The following GRIK1 variants were observed in gnomAD, a reference collection of about 807,000 sequenced individuals.
GRIK1 encodes the protein glutamate ionotropic receptor kainate type subunit 1, also known as glutamate receptor ionotropic, kainate 1.
A neutral mutation model predicts 105.7 loss-of-function variants in GRIK1; 69 were observed. The observed-to-expected ratio is 0.65, with a 90% CI of 0.54 to 0.80. The LOEUF (loss-of-function observed/expected upper bound fraction) is 0.80. Among genes scored for constraint, GRIK1 ranks in the 30% least tolerant of loss-of-function variants. The pLI is 0.00. For synonymous variants in GRIK1, 438 were observed against 431.3 expected, an observed-to-expected ratio of 1.02 and a Z score of -0.19; for missense variants, 1,109 against 1,167.3, an observed-to-expected ratio of 0.95 and a Z score of 0.73.
chr21:29,620,770 C>CATATATAT (rs200139967), intron 7 of GRIK1, among the ~76,000 whole-genome samples: 301 of 117,250 alleles, frequency 2.6e-3, no homozygotes, highest in African/African-American at 0.011. Flanking sequence ...GTATGAAAGT[C>CATATATAT]ATATATATAT....
chr21:29,889,710 G>C (rs2069821291), intron 1 of GRIK1, among the ~76,000 whole-genome samples: 1 of 151,976 alleles, frequency 6.6e-6, no homozygotes. Flanking sequence ...ATTTTCTGTG[G>C]CTTGTGCTAT....
chr21:29,827,456 A>G (rs541835644), intron 1 of GRIK1, among the ~76,000 whole-genome samples: 2 of 152,270 alleles, frequency 1.3e-5, no homozygotes, highest in South Asian at 2.1e-4. Context: ...AGGTGCTTCA[A>G]TGTTTATGAA....
At chr21:29,650,850 G>T (rs575869798) in intron 6 of GRIK1, among the ~76,000 whole-genome samples, 193 of 152,222 alleles carry the variant, frequency 1.3e-3, no homozygotes, top group African/African-American at 4.6e-3. Flanking sequence ...CTCTTCACTT[G>T]TCCTTGCACT....
intron 1 of GRIK1, among the ~76,000 whole-genome samples, chr21:29,749,555 G>A (rs1015732493): frequency 6.6e-6 from 1 of 152,220 alleles, no homozygotes; most frequent in African/African-American, 2.4e-5. Flanking sequence ...TCACAAGACT[G>A]CCAAATCCCA....
intron 7 of GRIK1, among the ~76,000 whole-genome samples, chr21:29,608,947 A>G (rs1470221553): frequency 6.6e-6 from 1 of 151,986 alleles, no homozygotes; most frequent in African/African-American, 2.4e-5. Context: ...TCCAACATCC[A>G]CTAGTTATAA....
At chr21:29,896,471 T>C (rs1288066735) in intron 1 of GRIK1, among the ~76,000 whole-genome samples, 5 of 152,196 alleles carry the variant, frequency 3.3e-5, no homozygotes, top group Non-Finnish European at 5.9e-5. Flanking sequence ...GTCTGTCTTG[T>C]TCCCTGCCAT....
chr21:29,912,017 C>T (rs1053269612), intron 1 of GRIK1, among the ~76,000 whole-genome samples: 5 of 151,908 alleles, frequency 3.3e-5, no homozygotes, highest in Non-Finnish European at 7.4e-5. Context: ...GTGATGTCCT[C>T]AGCTAAGAAA....
At chr21:29,650,065 A>C (rs568113004) in intron 6 of GRIK1, among the ~76,000 whole-genome samples, 1 of 152,310 alleles carries the variant, frequency 6.6e-6, no homozygotes, top group African/African-American at 2.4e-5. Flanking sequence ...CCCAGGGCTC[A>C]TTTGTACCAA....
intron 4 of GRIK1, among the ~76,000 whole-genome samples, chr21:29,665,809 C>G (rs2063047824): frequency 6.6e-6 from 1 of 152,226 alleles, no homozygotes; most frequent in Non-Finnish European, 1.5e-5. Flanking sequence ...ACATCATACT[C>G]TGATCTGAAA....
At chr21:29,865,980 A>T (rs75338364) in intron 1 of GRIK1, among the ~76,000 whole-genome samples, 4,272 of 152,306 alleles carry the variant, frequency 0.028, 209 homozygotes, top group African/African-American at 0.096. Context: ...TGCCCTGGAC[A>T]GTGGTCATTT....
At chr21:29,836,722 T>C (rs949498928) in intron 1 of GRIK1, among the ~76,000 whole-genome samples, 13 of 152,210 alleles carry the variant, frequency 8.5e-5, no homozygotes, top group Admixed American at 6.5e-4. Context: ...TCTCACATCA[T>C]GAGAAATCAG....
chr21:29,895,125 G>T (rs1000684454), intron 1 of GRIK1, among the ~76,000 whole-genome samples: 1 of 152,156 alleles, frequency 6.6e-6, no homozygotes, highest in Admixed American at 6.5e-5. Context: ...ATATTGACAA[G>T]CCTTGGAGTT....
intron 7 of GRIK1, among the ~76,000 whole-genome samples, chr21:29,608,860 C>G (rs1048499283): frequency 6.6e-6 from 1 of 152,040 alleles, no homozygotes; most frequent in Non-Finnish European, 1.5e-5. Flanking sequence ...ACTAACTGTA[C>G]TAGAGGATGG....
At chr21:29,776,870 A>T (rs1032407213) in intron 1 of GRIK1, among the ~76,000 whole-genome samples, 1 of 152,146 alleles carries the variant, frequency 6.6e-6, no homozygotes, top group African/African-American at 2.4e-5. Flanking sequence ...ACTACATCTG[A>T]ATTATTGTTC....
At chr21:29,936,432 T>C (rs2071758448) in intron 1 of GRIK1, among the ~76,000 whole-genome samples, 1 of 152,232 alleles carries the variant, frequency 6.6e-6, no homozygotes, top group Non-Finnish European at 1.5e-5. Context: ...TTAAGGAAGA[T>C]ATTTGTGATT....
At chr21:29,841,638 T>C (rs1344373843) in intron 1 of GRIK1, among the ~76,000 whole-genome samples, 1 of 152,202 alleles carries the variant, frequency 6.6e-6, no homozygotes, top group African/African-American at 2.4e-5. Flanking sequence ...CCAAAATATG[T>C]TATTGAATAT....
chr21:29,801,751 T>G (rs900635188), intron 1 of GRIK1, among the ~76,000 whole-genome samples: 1 of 152,228 alleles, frequency 6.6e-6, no homozygotes, highest in African/African-American at 2.4e-5. Flanking sequence ...TCAAAAATTA[T>G]TGGTTAAAGA....
intron 1 of GRIK1, among the ~76,000 whole-genome samples, chr21:29,834,544 GCTGT>G (rs1466964951): frequency 6.6e-6 from 1 of 150,560 alleles, no homozygotes; most frequent in Non-Finnish European, 1.5e-5. Context: ...TTCCTACTTG[GCTGT>G]CTAAGAGTGA....
rs767749596 is a variant in GRIK1, at chr21:29,555,138, C to A, written c.2521G>T (p.Val841Phe). The A allele has an allele frequency of 1.2e-6, 2 of 1,613,826 alleles. No individual in the cohort carries two copies. Among genetic ancestry groups the A allele is most frequent in the South Asian group, 2.2e-5 (2 of 91,084 alleles). The change falls in exon 16 of 18, where the codon GTT (valine) becomes TTT (phenylalanine). Residue 841 changes from valine to phenylalanine, a missense_variant. Coordinates refer to ENST00000327783, the MANE Select transcript of GRIK1 (RefSeq NM_001330994.2). ...GVENIGGIFIVLAAGLVLSVF... is the reference protein window; with the variant it reads ...GVENIGGIFIFLAAGLVLSVF... ...GAAAGGACCAGTCCGGCAGCCAGAA[C>A]AATGAAGATGCCTCCAATATTTTCC...
Sources: allele counts gnomAD v4.1 joint callset (sites outside exome capture counted in the v4.1 genomes callset), GRCh38; gene constraint gnomAD v4.1.1; transcripts MANE v1.5; gene names NCBI Gene and HGNC (gene_info 2026-07-23, HGNC 2026-07-21).